The following SCFD2 variants were observed in gnomAD, a reference collection of about 807,000 sequenced individuals.
SCFD2 encodes sec1 family domain containing 2.
SCFD2 carries 54 observed loss-of-function variants against 58.9 expected under a neutral mutation model. The ratio of observed to expected loss-of-function variants is 0.92; its 90% CI spans 0.74 to 1.15. SCFD2 has a LOEUF of 1.15. SCFD2 is among the 50% of genes most tolerant of loss of function. The pLI is 0.00. For missense variants in SCFD2, 805 were observed against 836.6 expected, an observed-to-expected ratio of 0.96 and a Z score of 0.47; for synonymous variants, 321 against 335.9, an observed-to-expected ratio of 0.96 and a Z score of 0.49.
chr4:53,126,977 A>G (rs1016089002), intron 5 of SCFD2, among the ~76,000 whole-genome samples: 4 of 152,184 alleles, frequency 2.6e-5, no homozygotes, highest in African/African-American at 9.7e-5. Flanking sequence ...TGACCGGAAA[A>G]CAAGATGTGG....
intron 4 of SCFD2, among the ~76,000 whole-genome samples, chr4:53,157,677 T>C (rs1726731061): frequency 6.6e-6 from 1 of 152,212 alleles, no homozygotes; most frequent in Non-Finnish European, 1.5e-5. Context: ...TATGAATCAA[T>C]GGATTTACTT....
chr4:53,017,995 T>A (rs1328699875), intron 5 of SCFD2, among the ~76,000 whole-genome samples: 1 of 152,236 alleles, frequency 6.6e-6, no homozygotes, highest in Non-Finnish European at 1.5e-5. Context: ...TAAACCACTC[T>A]GTATCCATCC....
chr4:53,350,727 T>C lies in SCFD2; in HGVS notation c.1007+1871A>G, dbSNP rs117263262. ...AAAAGTCAAACTTTTTCTTTTTTCC[T>C]GAAATGGAGTCTCATTCTGTTGCCC... On this transcript the variant is annotated intron_variant, in intron 2 of 8. Transcript: ENST00000401642. Among the ~76,000 whole-genome samples the C allele has an allele frequency of 4.0e-4, 61 of 152,316 alleles. No individual in the cohort carries two copies. The East Asian group carries it at 9.7e-3, about 24-fold the overall frequency.
chr4:52,909,031 C>G (rs1005240535), intron 6 of SCFD2, among the ~76,000 whole-genome samples: 1 of 152,122 alleles, frequency 6.6e-6, no homozygotes, highest in Non-Finnish European at 1.5e-5. Flanking sequence ...TTAAATCAGA[C>G]TATTGACACT....
intron 6 of SCFD2, among the ~76,000 whole-genome samples, 182 bp from the exon 7 acceptor site, chr4:52,907,773 CT>C (rs561609924): frequency 6.3e-4 from 95 of 151,796 alleles, no homozygotes; most frequent in African/African-American, 2.2e-3. Flanking sequence ...CAACATTGGG[CT>C]TTTAAATAAA....
intron 5 of SCFD2, among the ~76,000 whole-genome samples, chr4:53,136,314 C>A (rs1197071982): frequency 2.6e-5 from 4 of 152,166 alleles, no homozygotes; most frequent in African/African-American, 4.8e-5. Context: ...AGTCAAATAA[C>A]CTTTTGTGGC....
intron 3 of SCFD2, among the ~76,000 whole-genome samples, chr4:53,286,755 A>G (rs1487866670): frequency 6.6e-6 from 1 of 152,046 alleles, no homozygotes; most frequent in Non-Finnish European, 1.5e-5. Context: ...CTGTTGAGGT[A>G]CCCTGCCTCT....
At chr4:52,883,864 CAGA>C (rs1201671113) in intron 8 of SCFD2, among the ~76,000 whole-genome samples, 17 of 152,262 alleles carry the variant, frequency 1.1e-4, no homozygotes, top group African/African-American at 4.1e-4. Flanking sequence ...GTGATAGTAA[CAGA>C]AGAATGGTCA....
At chr4:53,123,287 C>A (rs906836884) in intron 5 of SCFD2, among the ~76,000 whole-genome samples, 1 of 152,148 alleles carries the variant, frequency 6.6e-6, no homozygotes, top group Non-Finnish European at 1.5e-5. Context: ...TAAGTTTAAA[C>A]AACATTAGTC....
At chr4:52,993,964 C>T (rs796777480) in intron 5 of SCFD2, among the ~76,000 whole-genome samples, 4 of 152,332 alleles carry the variant, frequency 2.6e-5, no homozygotes, top group South Asian at 2.1e-4. Flanking sequence ...AAGCGCAGAC[C>T]GCATTGCTTG....
chr4:53,250,618 A>C (rs1301319894), intron 4 of SCFD2, among the ~76,000 whole-genome samples: 21 of 152,384 alleles, frequency 1.4e-4, no homozygotes, highest in Non-Finnish European at 2.6e-4. Context: ...CTACATGGAA[A>C]CTGAGCAAGC....
At chr4:53,147,324 T>G (rs1726363419) in intron 4 of SCFD2, among the ~76,000 whole-genome samples, 1 of 152,242 alleles carries the variant, frequency 6.6e-6, no homozygotes, top group Admixed American at 6.5e-5. Context: ...TGTTCTGTGC[T>G]GAAATGATTA....
chr4:53,315,144 G>T (rs1449496130), intron 2 of SCFD2, among the ~76,000 whole-genome samples: 1 of 150,784 alleles, frequency 6.6e-6, no homozygotes, highest in Non-Finnish European at 1.5e-5. Context: ...GATAGGGACT[G>T]AAGGAATGAT....
At chr4:53,014,872 C>CA (rs544144853) in intron 5 of SCFD2, among the ~76,000 whole-genome samples, 68 of 152,074 alleles carry the variant, frequency 4.5e-4, no homozygotes, top group African/African-American at 1.5e-3. Flanking sequence ...AGGGGACAAC[C>CA]AAAAAATGGT....
chr4:53,291,039 C>G lies in SCFD2; in HGVS notation c.1136-17038G>C, dbSNP rs28834413. ...GTCAAGGAAGAATTATTACCAATAC[C>G]TCTTAAGCCCACACAAAAAAATTAG... On this transcript the variant is annotated intron_variant, in intron 3 of 8. Coordinates refer to ENST00000401642, the MANE Select transcript of SCFD2 (RefSeq NM_152540.4). 9.1e-3 allele frequency among the ~76,000 whole-genome samples: 1,386 copies of G among 152,164 alleles called. 20 individuals are homozygous for G. Among genetic ancestry groups the G allele is most frequent in the African/African-American group, 0.032 (1,321 of 41,522 alleles).
At chr4:53,187,456 G>A (rs1196295301) in intron 4 of SCFD2, among the ~76,000 whole-genome samples, 3 of 151,988 alleles carry the variant, frequency 2.0e-5, no homozygotes, top group African/African-American at 7.2e-5. Context: ...TTATGACCTA[G>A]GAAATTGAGG....
intron 5 of SCFD2, among the ~76,000 whole-genome samples, chr4:53,030,989 A>G (rs148878762): frequency 2.9e-3 from 445 of 152,332 alleles, no homozygotes; most frequent in African/African-American, 0.01. Context: ...CAAATGCATT[A>G]TGCAAAGTGA....
intron 5 of SCFD2, among the ~76,000 whole-genome samples, chr4:53,115,818 G>T (rs1008872944): frequency 6.6e-6 from 1 of 152,076 alleles, no homozygotes; most frequent in African/African-American, 2.4e-5. Context: ...CTTCTAAAAG[G>T]TCTAACAATG....
chr4:53,243,986 A>C (rs149001350), intron 4 of SCFD2, among the ~76,000 whole-genome samples: 1 of 152,318 alleles, frequency 6.6e-6, no homozygotes, highest in African/African-American at 2.4e-5. Flanking sequence ...AAGACAGAGA[A>C]GGACATAATA....
Sources: gnomAD v4.1 joint callset for allele counts (sites outside exome capture counted in the v4.1 genomes callset) on GRCh38, gnomAD v4.1.1 for gene constraint, MANE v1.5 for transcripts, NCBI Gene and HGNC (gene_info 2026-07-23, HGNC 2026-07-21) for gene names.